The following ZC3H18 variants were observed in gnomAD, a reference collection of about 807,000 sequenced individuals.
ZC3H18 encodes the protein zinc finger CCCH domain-containing protein 18.
Under a neutral mutation model 106.1 loss-of-function variants are expected in ZC3H18, and 8 were observed. That is an observed-to-expected ratio of 0.08 (90% CI 0.04 to 0.14). The LOEUF (loss-of-function observed/expected upper bound fraction) is 0.14. Ranked by LOEUF, ZC3H18 falls within the 10% of genes least tolerant of loss-of-function variation. ZC3H18 has a pLI of 1.00. For synonymous variants in ZC3H18, 635 were observed against 522.1 expected, an observed-to-expected ratio of 1.22 and a Z score of -2.95; for missense variants, 1,318 against 1,278.4, an observed-to-expected ratio of 1.03 and a Z score of -0.47.
chr16:88,623,846 C>T (rs1036977520), intron 10 of ZC3H18, 112 bp from the exon 11 acceptor site: 6 of 1,466,516 alleles, frequency 4.1e-6, no homozygotes, highest in Non-Finnish European at 1.8e-6. Flanking sequence ...AACTGAGGCA[C>T]ATAAATGGAA....
Position 88,624,038 on chromosome 16 carries a change from C to A in ZC3H18, c.1874C>A (p.Pro625Gln). 6.2e-7 allele frequency: 1 copy of A among 1,614,070 alleles called. No individual in the cohort carries two copies. The highest frequency in any genetic ancestry group is 8.5e-7 in the Non-Finnish European group (1 of 1,179,952). Residue 625 changes from proline (P) to glutamine (Q), a missense_variant, in exon 11 of 18, where the codon CCG becomes CAG. This residue lies in a region of ZC3H18 where 848 missense variants were observed against 821.7 expected (regional missense o/e 1.03). Transcript: ENST00000301011. ...CCTTCCATCAGAACCAAGGGAGAGC[C>A]GGCCCCGCCGCCCGGGAAAGCAGGG... is the stretch of plus-strand genomic sequence containing the variant. ...HRPSIRTKGE[P>Q]APPPGKAGEK...
chr16:88,575,567 C>G (rs117498609), intron 1 of ZC3H18, among the ~76,000 whole-genome samples: 2 of 152,090 alleles, frequency 1.3e-5, no homozygotes, highest in Non-Finnish European at 2.9e-5. Flanking sequence ...CCTTCCTACC[C>G]GTCTTAACAC....
In ZC3H18 at chr16:88,631,566, G is replaced by A. The variant is rs138298379; in HGVS notation, c.*267G>A. ...GTTCTCATGTAAATTACAAGCCCCA[G>A]CCGCCAGCCCCGCCTTCTCTTCCTC... On this transcript the variant is annotated 3_prime_UTR_variant, in exon 18 of 18. Transcript: ENST00000301011. 2.9e-3 allele frequency: 1,658 copies of A among 563,086 alleles called. 12 individuals are homozygous for A. Among genetic ancestry groups the A allele is most frequent in the Middle Eastern group, 0.017 (65 of 3,716 alleles). 34.9% of individuals were successfully genotyped at this position (563,086 alleles called of 1,614,324 possible). A position where few individuals can be genotyped will look rare whatever the true frequency, so the allele number is the denominator to read the frequency against.
chr16:88,605,285 G>A (rs989082230), intron 6 of ZC3H18, among the ~76,000 whole-genome samples: 2 of 152,252 alleles, frequency 1.3e-5, no homozygotes, highest in African/African-American at 2.4e-5. Flanking sequence ...GCAGATGGAT[G>A]TATGGGTGCC....
At chr16:88,619,859 T>C (rs1353038194) in intron 8 of ZC3H18, among the ~76,000 whole-genome samples, 1 of 152,198 alleles carries the variant, frequency 6.6e-6, no homozygotes, top group Non-Finnish European at 1.5e-5. Context: ...CCTTTCCTCT[T>C]GGGGTGTTAG....
At chr16:88,608,216 C>T (rs1905102797) in intron 6 of ZC3H18, among the ~76,000 whole-genome samples, 3 of 152,166 alleles carry the variant, frequency 2.0e-5, no homozygotes, top group South Asian at 2.1e-4. Flanking sequence ...TCAGGGGGTG[C>T]CTCCACACAG....
At chr16:88,584,465 A>G (rs982470051) in intron 2 of ZC3H18, among the ~76,000 whole-genome samples, 1 of 151,954 alleles carries the variant, frequency 6.6e-6, no homozygotes, top group Non-Finnish European at 1.5e-5. Context: ...TATTTAAAAG[A>G]CCATTGTGCT....
intron 8 of ZC3H18, among the ~76,000 whole-genome samples, chr16:88,615,812 C>T (rs888707937): frequency 1.1e-4 from 16 of 152,204 alleles, no homozygotes; most frequent in African/African-American, 3.9e-4. Context: ...ATGTATTCTG[C>T]CTGTTTCTAA....
At chr16:88,609,956 G>A (rs971894834) in intron 7 of ZC3H18, among the ~76,000 whole-genome samples, 1 of 152,076 alleles carries the variant, frequency 6.6e-6, no homozygotes, top group Middle Eastern at 3.2e-3. Flanking sequence ...CTGTGTCCAG[G>A]GGTGCCTGCG....
At position 88,623,951 on chromosome 16, in the gene ZC3H18, C is replaced by T; in HGVS notation, c.1794-7C>T. The T allele has an allele frequency of 6.2e-6, 10 of 1,608,914 alleles. No homozygotes were observed. The highest frequency in any genetic ancestry group is 7.6e-6 in the Non-Finnish European group (9 of 1,176,622). On this transcript the variant is annotated splice_region_variant and splice_polypyrimidine_tract_variant and intron_variant, in intron 10 of 17. Transcript: ENST00000301011. ...GCCCCTTCCGACACCTTTGTTCACT[C>T]CCCTAGGTCCCGGTCCTTCTCTTCG...
chr16:88,580,581 G>C (rs766633684), intron 2 of ZC3H18, among the ~76,000 whole-genome samples: 1 of 152,040 alleles, frequency 6.6e-6, no homozygotes, highest in Non-Finnish European at 1.5e-5. Flanking sequence ...CAAGCCTGTC[G>C]TCCACTCTTG....
Position 88,631,614 on chromosome 16 carries a change from C to T in ZC3H18, c.*315C>T, listed in dbSNP as rs1906697278. 4 of 485,470 alleles carry T rather than the reference C, an allele frequency of 8.2e-6. No homozygotes were observed. Among genetic ancestry groups the T allele is most frequent in the South Asian group, 6.2e-5 (4 of 64,816 alleles). 30.1% of individuals were successfully genotyped at this position (485,470 alleles called of 1,614,324 possible). A position where few individuals can be genotyped will look rare whatever the true frequency, so the allele number is the denominator to read the frequency against. On this transcript the variant is annotated 3_prime_UTR_variant, in exon 18 of 18. Coordinates refer to ENST00000301011, the MANE Select transcript of ZC3H18 (RefSeq NM_144604.4). ...CTCCTCCTCCGTCTTCTTCCCTGGC[C>T]CTGGTCAGGCCTGTGGAGCCCCAGC... is the stretch of plus-strand genomic sequence containing the variant.
intron 2 of ZC3H18, 37 bp from the exon 3 acceptor site, chr16:88,586,563 T>C (rs1165818004): frequency 6.4e-7 from 1 of 1,565,244 alleles, no homozygotes; most frequent in Non-Finnish European, 8.8e-7. Context: ...GATTGATAGA[T>C]GCCTCCCCCA....
At chr16:88,622,982 C>A in intron 9 of ZC3H18, 1 of 579,252 alleles carries the variant, frequency 1.7e-6, no homozygotes, top group Non-Finnish European at 3.0e-6. Context: ...GCACACCCCA[C>A]GCCCAGGTCT....
intron 16 of ZC3H18, chr16:88,630,231 C>G (rs374835084): frequency 4.5e-6 from 2 of 446,790 alleles, no homozygotes; most frequent in African/African-American, 2.0e-5. Context: ...GGAGTTTTGT[C>G]TCTCTGCGTG....
At chr16:88,630,423 C>T in intron 16 of ZC3H18, 62 bp from the exon 17 acceptor site, 1 of 1,394,786 alleles carries the variant, frequency 7.2e-7, no homozygotes, top group East Asian at 2.4e-5. Flanking sequence ...ATCGGTGAGG[C>T]CACCCACACA....
At chr16:88,611,595 C>A in intron 8 of ZC3H18, 59 bp downstream of exon 8, 2 of 1,517,996 alleles carry the variant, frequency 1.3e-6, no homozygotes, top group East Asian at 2.5e-5. Flanking sequence ...CAGCTCTGTA[C>A]CTAGTCCCCC....
chr16:88,609,454 T>A (rs1905170986), intron 7 of ZC3H18, among the ~76,000 whole-genome samples: 1 of 151,220 alleles, frequency 6.6e-6, no homozygotes, highest in African/African-American at 2.4e-5. Flanking sequence ...TGCACCACCA[T>A]GCCCAGCTAA....
chr16:88,599,763 G>T (rs1904647996), intron 5 of ZC3H18, 28 bp from the exon 6 acceptor site: 1 of 1,598,352 alleles, frequency 6.3e-7, no homozygotes, highest in Non-Finnish European at 8.5e-7. Flanking sequence ...TCTGTTCCAT[G>T]TTGACTTCTT....
Sources: allele counts gnomAD v4.1 joint callset (sites outside exome capture counted in the v4.1 genomes callset), GRCh38; gene constraint gnomAD v4.1.1; regional missense constraint gnomAD v4.1.1; transcripts MANE v1.5; gene names NCBI Gene and HGNC (gene_info 2026-07-23, HGNC 2026-07-21).